Variants in NKIRAS1 observed in about 807,000 individuals in gnomAD.
NKIRAS1 encodes NF-kappa-B inhibitor-interacting Ras-like protein 1.
A neutral mutation model predicts 19.8 loss-of-function variants in NKIRAS1; 16 were observed. The observed-to-expected ratio is 0.81, with a 90% CI of 0.55 to 1.23. The LOEUF (loss-of-function observed/expected upper bound fraction) is 1.23. Among genes scored for constraint, NKIRAS1 ranks in the 50% most tolerant of loss-of-function variants. The pLI is 0.00. For synonymous variants in NKIRAS1, 88 were observed against 79.0 expected (o/e 1.11, Z -0.61); for missense variants, 184 against 220.0 (o/e 0.84, Z 1.04).
chr3:23,935,570 T>G (rs956940538), intron 1 of NKIRAS1, among the ~76,000 whole-genome samples: 1 of 152,098 alleles, frequency 6.6e-6, no homozygotes, highest in African/African-American at 2.4e-5. Context: ...TATAGGCACG[T>G]GTCACTGTGC....
chr3:23,894,780 T>C (rs1575059425), intron 4 of NKIRAS1, among the ~76,000 whole-genome samples: 3 of 152,060 alleles, frequency 2.0e-5, no homozygotes, highest in East Asian at 1.9e-4. Flanking sequence ...ATGGTGTCCT[T>C]CTCTAAAACC....
rs72627072 is a variant in NKIRAS1, at chr3:23,903,558, A to T, written c.95-2509T>A. ...AAAACAAACAAACAAAAAACTACCT[A>T]ATCTATCAAAAAAATAAGATAGTAC... On this transcript the variant is annotated intron_variant, in intron 3 of 4. Transcript: ENST00000425478. Among the ~76,000 whole-genome samples the T allele has an allele frequency of 3.6e-3, 543 of 152,312 alleles. 16 individuals carry two copies. The East Asian group carries it at 0.049, about 14-fold the overall frequency.
intron 3 of NKIRAS1, among the ~76,000 whole-genome samples, chr3:23,904,628 C>G (rs117038398): frequency 0.015 from 2,180 of 148,026 alleles, 39 homozygotes; most frequent in East Asian, 0.048. Context: ...ATCCTTCAAA[C>G]CACAGCAACT....
chr3:23,943,380 G>T (rs1322698700), intron 1 of NKIRAS1, among the ~76,000 whole-genome samples: 1 of 152,184 alleles, frequency 6.6e-6, no homozygotes, highest in Non-Finnish European at 1.5e-5. Flanking sequence ...TTACAGGCAT[G>T]CGCCACCACC....
chr3:23,922,950 C>G lies in NKIRAS1; in HGVS notation c.-139-11500G>C, dbSNP rs1705137198. On this transcript the variant is annotated intron_variant, in intron 1 of 4. Transcript: ENST00000421515. The surrounding 1 kb of genome is among the most constrained non-coding windows in gnomAD (Gnocchi z 4.2). ...TGTCGAGTAGCTGGAACCACAGGTG[C>G]ACACCACCATGCCAGGCTAATTTTT... The G allele has an allele frequency of 2.0e-5, 3 of 152,092 alleles. No individual in the cohort carries two copies. Among genetic ancestry groups the G allele is most frequent in the Admixed American group, 2.0e-4 (3 of 15,242 alleles). 9.4% of individuals were successfully genotyped at this position (152,092 alleles called of 1,614,324 possible).
chr3:23,945,138 G>A (rs193249552), intron 1 of NKIRAS1: 2,121 of 143,842 alleles, frequency 0.015, 37 homozygotes, highest in Non-Finnish European at 0.019. Context: ...GGAGAAGGGG[G>A]AAGCGCAGGA....
intron 3 of NKIRAS1, among the ~76,000 whole-genome samples, chr3:23,908,853 T>C (rs1387606427): frequency 6.6e-6 from 1 of 151,690 alleles, no homozygotes; most frequent in Non-Finnish European, 1.5e-5. Flanking sequence ...TTTCTTTTTT[T>C]TTTTTTTCTT....
chr3:23,900,726 G>A, intron 4 of NKIRAS1, 82 bp downstream of exon 4: 1 of 1,100,530 alleles, frequency 9.1e-7, no homozygotes, highest in Non-Finnish European at 1.3e-6. Context: ...GTAATGATCT[G>A]AAAATAAACT....
At chr3:23,941,795 G>A (rs577995922) in intron 1 of NKIRAS1, among the ~76,000 whole-genome samples, 9 of 152,208 alleles carry the variant, frequency 5.9e-5, no homozygotes, top group African/African-American at 2.2e-4. Flanking sequence ...ATAGGAAGAA[G>A]GCAGCCTCTA....
chr3:23,939,337 A>C (rs149486087), intron 1 of NKIRAS1, among the ~76,000 whole-genome samples: 2,072 of 152,388 alleles, frequency 0.014, 18 homozygotes, highest in Non-Finnish European at 0.021. Context: ...AAACAAAAAT[A>C]ATTTAGTGAA....
At chr3:23,902,267 G>A (rs1458680407) in intron 3 of NKIRAS1, among the ~76,000 whole-genome samples, 3 of 151,846 alleles carry the variant, frequency 2.0e-5, no homozygotes, top group African/African-American at 7.3e-5. Flanking sequence ...TGTCCGTTAA[G>A]TATTAGATTA....
chr3:23,893,144 A>C lies in NKIRAS1; in HGVS notation c.530T>G (p.Phe177Cys). 6.3e-7 allele frequency: 1 copy of C among 1,592,262 alleles called. No homozygotes were observed. Among genetic ancestry groups the C allele is most frequent in the Non-Finnish European group, 8.5e-7 (1 of 1,171,444 alleles). Residue 177 changes from phenylalanine to cysteine, a missense_variant, in exon 5 of 5, where the codon TTT becomes TGT. Coordinates refer to ENST00000425478, the MANE Select transcript of NKIRAS1 (RefSeq NM_020345.4). ...KLSQPQSKSS[F>C]PLPGRKNKGN... ...TTTGTTTTTCCTCCCAGGCAAAGGAAAGCTTGATTTGCTCTGGGGTTGAGA... is the reference window on the plus strand; with the variant it reads ...TTTGTTTTTCCTCCCAGGCAAAGGACAGCTTGATTTGCTCTGGGGTTGAGA...
chr3:23,890,638 C>T lies in NKIRAS1; in HGVS notation c.*2457G>A, dbSNP rs1477830616. 1.9e-6 allele frequency: 3 copies of T among 1,597,806 alleles called. No homozygotes were observed. Among genetic ancestry groups the T allele is most frequent in the Non-Finnish European group, 2.6e-6 (3 of 1,168,608 alleles). On this transcript the variant is annotated 3_prime_UTR_variant, in exon 5 of 5. Transcript: ENST00000425478. ...GTTTCACAATTCTTACATTATTTGT[C>T]TGTCACAGAAGAGAGCTGCTTATGA...
chr3:23,938,785 A>G (rs1365277029), intron 1 of NKIRAS1, among the ~76,000 whole-genome samples: 2 of 152,206 alleles, frequency 1.3e-5, no homozygotes, highest in Non-Finnish European at 2.9e-5. Context: ...AGAAAAGGTG[A>G]TGCAACTTCT....
chr3:23,945,457 C>T, intron 1 of NKIRAS1: 1 of 440,414 alleles, frequency 2.3e-6, no homozygotes. Context: ...CCGCTCTGCC[C>T]ATGAGGGGGC....
At chr3:23,918,045 T>G (rs1040081703), upstream of NKIRAS1, 2 of 1,598,060 alleles carry the variant, frequency 1.3e-6, no homozygotes, top group African/African-American at 2.7e-5. Context: ...CGTGATCGAC[T>G]GCGTGGATGC....
chr3:23,925,995 T>C (rs927870898), intron 1 of NKIRAS1, among the ~76,000 whole-genome samples: 2 of 152,220 alleles, frequency 1.3e-5, no homozygotes, highest in Non-Finnish European at 2.9e-5. Flanking sequence ...AGAAAATATT[T>C]TGACCATCAC....
chr3:23,941,850 T>C (rs542868042), intron 1 of NKIRAS1, among the ~76,000 whole-genome samples: 1 of 152,346 alleles, frequency 6.6e-6, no homozygotes, highest in South Asian at 2.1e-4. Context: ...TTATAGACAC[T>C]ATCATCGAAG....
upstream of NKIRAS1, chr3:23,918,168 C>A (rs1017106852): frequency 1.3e-5 from 15 of 1,129,912 alleles, no homozygotes; most frequent in African/African-American, 3.2e-5. Flanking sequence ...CAACACTGGT[C>A]AGTTACTGTA....
Sources: gnomAD v4.1 joint callset for allele counts (sites outside exome capture counted in the v4.1 genomes callset) on GRCh38, gnomAD v4.1.1 for gene constraint, Gnocchi (gnomAD v3.1) non-coding constraint, MANE v1.5 for transcripts, NCBI Gene and HGNC (gene_info 2026-07-23, HGNC 2026-07-21) for gene names.